Variants in C4BPA observed in about 807,000 individuals in gnomAD.
C4BPA encodes complement component 4 binding protein alpha.
In C4BPA, 31 loss-of-function variants were observed where a neutral mutation model predicts 63.7. The observed-to-expected ratio is 0.49, with a 90% CI of 0.37 to 0.66. The LOEUF is 0.66. Among genes scored for constraint, C4BPA ranks in the 30% least tolerant of loss-of-function variants. The probability of loss-of-function intolerance (pLI) is 0.00; values close to 1 mark genes in which losing one functional copy is unlikely to be tolerated. For missense variants in C4BPA, 572 were observed against 723.3 expected (o/e 0.79, Z 2.40); for synonymous variants, 259 against 254.7 (o/e 1.02, Z -0.16).
chr1:207,113,221 G>A, intron 2 of C4BPA, 54 bp downstream of exon 2: 2 of 1,572,676 alleles, frequency 1.3e-6, no homozygotes, highest in South Asian at 1.2e-5. Context: ...GATCATCTGT[G>A]CATTCACTTT....
chr1:207,134,645 T>A, intron 9 of C4BPA, 53 bp downstream of exon 9: 1 of 1,280,228 alleles, frequency 7.8e-7, no homozygotes, highest in Non-Finnish European at 1.1e-6. Flanking sequence ...ATCAGTGTGA[T>A]GGAGATTATT....
chr1:207,124,157 T>C lies in C4BPA; in HGVS notation c.515-18T>C. The C allele has an allele frequency of 6.2e-7, 1 of 1,607,174 alleles. No homozygotes were observed. The highest frequency in any genetic ancestry group is 2.2e-5 in the East Asian group (1 of 44,774). On this transcript the variant is annotated intron_variant, in intron 5 of 11. Coordinates refer to ENST00000367070, the MANE Select transcript of C4BPA (RefSeq NM_000715.4). ...TGCCTTCGCTGAGTATTTCTTTCTC[T>C]TCACTCACTTACCTCAGTTGTCAAG...
intron 4 of C4BPA, among the ~76,000 whole-genome samples, 190 bp downstream of exon 4, chr1:207,115,705 T>G (rs923546862): frequency 6.6e-6 from 1 of 152,228 alleles, no homozygotes. Context: ...TTCGTATATA[T>G]CTTTCTAGTG....
chr1:207,108,858 G>T (rs950481317), intron 1 of C4BPA, among the ~76,000 whole-genome samples: 1 of 152,098 alleles, frequency 6.6e-6, no homozygotes, highest in Non-Finnish European at 1.5e-5. Flanking sequence ...GAGTAGCTGG[G>T]ATTACAGGCG....
intron 8 of C4BPA, among the ~76,000 whole-genome samples, chr1:207,133,504 G>GT (rs1282447451): frequency 6.6e-6 from 1 of 152,202 alleles, no homozygotes; most frequent in Non-Finnish European, 1.5e-5. Flanking sequence ...TGGCTCACAT[G>GT]TGTGACCCCA....
intron 7 of C4BPA, among the ~76,000 whole-genome samples, chr1:207,128,304 C>T (rs1685089203): frequency 6.6e-6 from 1 of 152,156 alleles, no homozygotes. Context: ...CTACTTCCCC[C>T]TTTTCTCTTC....
chr1:207,116,514 A>ATATGTG (rs1286179037), intron 4 of C4BPA, among the ~76,000 whole-genome samples: 1 of 33,776 alleles, frequency 3.0e-5, no homozygotes, highest in Non-Finnish European at 7.1e-5. Context: ...GTGTGTGTGT[A>ATATGTG]TATGTGTGTG....
At chr1:207,123,598 A>G (rs1006548622) in intron 4 of C4BPA, among the ~76,000 whole-genome samples, 2 of 152,242 alleles carry the variant, frequency 1.3e-5, no homozygotes, top group African/African-American at 4.8e-5. Flanking sequence ...TCAGTAATCT[A>G]GCTGGTACTC....
intron 8 of C4BPA, 48 bp from the exon 9 acceptor site, chr1:207,134,356 T>C (rs1264290660): frequency 7.2e-7 from 1 of 1,384,254 alleles, no homozygotes; most frequent in South Asian, 1.3e-5. Context: ...CATAGAAGCT[T>C]CCTCATGGTG....
chr1:207,111,868 T>C (rs974529746), intron 1 of C4BPA, among the ~76,000 whole-genome samples: 1 of 152,218 alleles, frequency 6.6e-6, no homozygotes, highest in African/African-American at 2.4e-5. Flanking sequence ...TTCACTATTT[T>C]ATGGGAGTGA....
intron 1 of C4BPA, among the ~76,000 whole-genome samples, chr1:207,105,557 C>CAA (rs544639312): frequency 0.023 from 1,488 of 65,630 alleles, 41 homozygotes; most frequent in African/African-American, 0.069. Flanking sequence ...AACTCCACCT[C>CAA]AAAAAAAAAA....
intron 7 of C4BPA, among the ~76,000 whole-genome samples, chr1:207,130,029 A>G (rs1428512162): frequency 6.6e-6 from 1 of 152,198 alleles, no homozygotes; most frequent in African/African-American, 2.4e-5. Context: ...TAATGCAATT[A>G]TATACATATT....
intron 6 of C4BPA, among the ~76,000 whole-genome samples, chr1:207,124,715 C>G (rs1036214039): frequency 3.3e-5 from 5 of 152,184 alleles, no homozygotes; most frequent in African/African-American, 9.7e-5. Context: ...GCAACTAGCT[C>G]AGCAAGCCAG....
chr1:207,126,815 GT>G lies in C4BPA; in HGVS notation c.813del (p.Phe271LeufsTer8). 1 of 1,613,330 alleles carries G rather than the reference GT, an allele frequency of 6.2e-7. No individual in the cohort carries two copies. The highest frequency in any genetic ancestry group is 8.5e-7 in the Non-Finnish European group (1 of 1,179,566). ...KDTIVFKCQKGFVLRGSSVIH... is the reference protein window; with the variant it reads ...KDTIVFKCQKXFVLRGSSVIH... ...ACTATTGTGTTTAAGTGCCAAAAAGGTTTTGTTCTCAGAGGCAGCAGTGTAA... is the reference window on the plus strand; with the variant it reads ...ACTATTGTGTTTAAGTGCCAAAAAGGTTTGTTCTCAGAGGCAGCAGTGTAA... On this transcript the variant is annotated frameshift_variant, in exon 7 of 12. Coordinates refer to ENST00000367070, the MANE Select transcript of C4BPA (RefSeq NM_000715.4). LOFTEE classifies it high-confidence loss of function.
rs769002931 is a variant in C4BPA at position 207,144,527 on chromosome 1, C to G, written c.1621-17C>G. ...AAGAGAAGCTTCTCAATCACACCCA[C>G]CACTTATATCTTTTAGGAGACCCCC... On this transcript the variant is annotated splice_polypyrimidine_tract_variant and intron_variant, in intron 11 of 11. Coordinates refer to ENST00000367070, the MANE Select transcript of C4BPA (RefSeq NM_000715.4). 2 of 1,579,440 alleles carry G rather than the reference C, an allele frequency of 1.3e-6. No homozygotes were observed. The highest frequency in any genetic ancestry group is 1.7e-6 in the Non-Finnish European group (2 of 1,164,686).
At position 207,134,560 on chromosome 1, in the gene C4BPA, C is replaced by G. The variant is rs144288941; in HGVS notation, c.1241C>G (p.Thr414Arg). The change falls in exon 9 of 12, where the codon ACG (threonine) becomes AGG (arginine). Residue 414 changes from threonine to arginine, a missense_variant. Thr to Arg is a moderately conservative substitution (Grantham distance 71, BLOSUM62 -1). Around this residue, in one of 2 missense-constraint regions of C4BPA, gnomAD observed 465 missense variants for 629.4 expected, o/e 0.74. Coordinates refer to ENST00000367070, the MANE Select transcript of C4BPA (RefSeq NM_000715.4). Reference protein sequence around the residue: ...RFSAICQGDGTWSPRTPSCGD... With the variant: ...RFSAICQGDGRWSPRTPSCGD... ...TCAGCTATATGCCAAGGAGATGGCA[C>G]GTGGAGTCCCCGAACACCATCATGT... The G allele has an allele frequency of 1.2e-6, 2 of 1,613,460 alleles. No individual in the cohort carries two copies. Among genetic ancestry groups the G allele is most frequent in the Admixed American group, 1.7e-5 (1 of 60,004 alleles).
intron 1 of C4BPA, 44 bp from the exon 2 acceptor site, chr1:207,112,957 G>C: frequency 6.7e-7 from 1 of 1,496,416 alleles, no homozygotes; most frequent in Non-Finnish European, 8.9e-7. Flanking sequence ...TTTATGACAA[G>C]TTGGAATTCA....
chr1:207,143,677 T>C, intron 10 of C4BPA, 141 bp from the exon 11 acceptor site: 1 of 650,096 alleles, frequency 1.5e-6, no homozygotes, highest in Admixed American at 2.9e-5. Flanking sequence ...CTCAATAAAA[T>C]GCTAATATGA....
intron 8 of C4BPA, among the ~76,000 whole-genome samples, chr1:207,132,780 T>C (rs957740229): frequency 3.9e-5 from 6 of 152,138 alleles, no homozygotes; most frequent in Non-Finnish European, 7.4e-5. Flanking sequence ...CCCAGTACTT[T>C]GGGAGGCTGA....
Sources: allele counts gnomAD v4.1 joint callset (sites outside exome capture counted in the v4.1 genomes callset), GRCh38; gene constraint gnomAD v4.1.1; regional missense constraint gnomAD v4.1.1; transcripts MANE v1.5; gene names NCBI Gene and HGNC (gene_info 2026-07-23, HGNC 2026-07-21).